The following ATAD5 variants were observed in gnomAD, a reference collection of about 807,000 sequenced individuals.
ATAD5 encodes the protein ATPase family AAA domain-containing protein 5.
In ATAD5, 58 loss-of-function variants were observed where a neutral mutation model predicts 176.9. The ratio of observed to expected loss-of-function variants is 0.33; its 90% CI spans 0.27 to 0.41. The LOEUF is 0.41. Among genes scored for constraint, ATAD5 ranks in the 10% least tolerant of loss-of-function variants. ATAD5 has a pLI of 1.00. For missense variants in ATAD5, 1,789 were observed against 2,094.1 expected (o/e 0.85, Z 2.84); for synonymous variants, 640 against 712.6 (o/e 0.90, Z 1.62).
Position 30,835,334 on chromosome 17 carries a change from G to T in ATAD5, c.1253G>T (p.Gly418Val), listed in dbSNP as rs779103209. Residue 418 changes from glycine (G) to valine (V), a missense_variant, in exon 2 of 23, where the codon GGA becomes GTA. By Grantham distance (109) the Gly-to-Val change is moderately radical. This residue lies in a region of ATAD5 where 696 missense variants were observed against 712.5 expected (regional missense o/e 0.98). Transcript: ENST00000321990. Reference protein sequence around the residue: ...RQPASDALKNGVKKSSDKQKD... With the variant: ...RQPASDALKNVVKKSSDKQKD... ...CCAGCATCAGATGCACTTAAAAATG[G>T]AGTTAAAAAGTCTTCTGATAAGCAG... is the stretch of plus-strand genomic sequence containing the variant. The T allele has an allele frequency of 6.2e-7, 1 of 1,613,704 alleles. No individual in the cohort carries two copies. The highest frequency in any genetic ancestry group is 8.5e-7 in the Non-Finnish European group (1 of 1,179,898).
intron 3 of ATAD5, among the ~76,000 whole-genome samples, chr17:30,839,497 C>G (rs1905956350): frequency 6.6e-6 from 1 of 151,044 alleles, no homozygotes; most frequent in Non-Finnish European, 1.5e-5. Flanking sequence ...GGATGGTCTC[C>G]ATCTCCTGAC....
At chr17:30,879,364 T>A in intron 17 of ATAD5, 59 bp from the exon 18 acceptor site, 2 of 1,563,966 alleles carry the variant, frequency 1.3e-6, no homozygotes, top group Non-Finnish European at 1.7e-6. Context: ...CTTGAAAAAG[T>A]TATTTATTGG....
chr17:30,889,392 T>G (rs979719654), intron 19 of ATAD5, among the ~76,000 whole-genome samples: 14 of 151,336 alleles, frequency 9.3e-5, no homozygotes, highest in Non-Finnish European at 1.3e-4. Context: ...TAAGTACTTA[T>G]AACATAGTAC....
At chr17:30,838,993 C>T (rs549278976) in intron 3 of ATAD5, among the ~76,000 whole-genome samples, 6 of 151,852 alleles carry the variant, frequency 4.0e-5, no homozygotes, top group Non-Finnish European at 7.4e-5. Flanking sequence ...TTTTTCTTTT[C>T]GTTTGTTATT....
chr17:30,845,779 T>A (rs1262366267), intron 6 of ATAD5, among the ~76,000 whole-genome samples: 1 of 152,096 alleles, frequency 6.6e-6, no homozygotes, highest in Non-Finnish European at 1.5e-5. Context: ...CCAGGTATTG[T>A]GAGATGATGG....
At chr17:30,889,406 T>C (rs1289415008) in intron 19 of ATAD5, among the ~76,000 whole-genome samples, 5 of 151,446 alleles carry the variant, frequency 3.3e-5, no homozygotes, top group Non-Finnish European at 5.9e-5. Context: ...ATAGTACTTA[T>C]AAACAAATGA....
At chr17:30,844,958 G>A (rs1449988770) in intron 6 of ATAD5, 42 bp downstream of exon 6, 3 of 1,461,918 alleles carry the variant, frequency 2.1e-6, no homozygotes, top group Non-Finnish European at 2.8e-6. Flanking sequence ...ATATTTTATA[G>A]AATGTATTTG....
rs1232225763 is a variant in ATAD5 at position 30,858,279 on chromosome 17, A to G, written c.2912A>G (p.Gln971Arg). The change falls in exon 9 of 23, where the codon CAA becomes CGA. Residue 971 changes from glutamine to arginine, a missense_variant. Physicochemically the swap from Gln to Arg is conservative, Grantham distance 43. Transcript: ENST00000321990. ...KKYFPLLLKKQIEHQVLSSEC... is the reference protein window; with the variant it reads ...KKYFPLLLKKRIEHQVLSSEC... The stretch of plus-strand genomic sequence containing the variant: ...TATTTTCCCTTACTCCTAAAAAAAC[A>G]AATTGAGCACCAAGTACTTTCTTCC... 1 of 1,585,880 alleles carries G rather than the reference A, an allele frequency of 6.3e-7. No individual in the cohort carries two copies. Among genetic ancestry groups the G allele is most frequent in the African/African-American group, 1.4e-5 (1 of 73,868 alleles).
Position 30,866,185 on chromosome 17 carries a change from ATTTTTTTTTTTTTTTT to A in ATAD5, c.3233+399_3233+414del, listed in dbSNP as rs542432593. ...CCTTTACACTTAGTAGAATTTACAA[ATTTTTTTTTTTTTTTT>A]TTTTTTTTTTTTTCAAGACAGAGTC... On this transcript the variant is annotated intron_variant, in intron 11 of 22. Transcript: ENST00000321990. Among the ~76,000 whole-genome samples, 8 of 79,240 alleles carry A rather than the reference ATTTTTTTTTTTTTTTT, an allele frequency of 1.0e-4. No homozygotes were observed. The Admixed American group carries it at 1.1e-3, about 11-fold the overall frequency. The allele number at this position is 79,240 out of a possible 152,430, so 52.0% of individuals were successfully genotyped here. A position where few individuals can be genotyped will look rare whatever the true frequency, so the allele number is the denominator to read the frequency against.
intron 3 of ATAD5, among the ~76,000 whole-genome samples, chr17:30,838,131 C>T (rs1905867158): frequency 6.6e-6 from 1 of 152,162 alleles, no homozygotes; most frequent in South Asian, 2.1e-4. Flanking sequence ...GCTAAATATC[C>T]CTCGGAGGGG....
intron 3 of ATAD5, 65 bp downstream of exon 3, chr17:30,837,379 C>T: frequency 9.4e-7 from 1 of 1,066,048 alleles, no homozygotes; most frequent in Non-Finnish European, 1.4e-6. Flanking sequence ...AACAAAAAAC[C>T]CCCACATTAC....
At chr17:30,837,377 A>G (rs1820592360) in intron 3 of ATAD5, 63 bp downstream of exon 3, 1 of 1,095,420 alleles carries the variant, frequency 9.1e-7, no homozygotes, top group Non-Finnish European at 1.3e-6. Context: ...CAAACAAAAA[A>G]CCCCCACATT....
At chr17:30,857,980 G>T (rs1322830262) in intron 8 of ATAD5, among the ~76,000 whole-genome samples, 181 bp from the exon 9 acceptor site, 2 of 152,130 alleles carry the variant, frequency 1.3e-5, no homozygotes, top group African/African-American at 4.8e-5. Context: ...AACTTCAGAT[G>T]ATCCACCTGT....
chr17:30,879,421 A>G lies in ATAD5; in HGVS notation c.4013-2A>G. Reference sequence around the variant, plus strand: ...TTTTTTTGTGTGTGTGTGTGTGTGTAGACCCAACATTTAGTTTAATGTTTG... The same window carrying G: ...TTTTTTTGTGTGTGTGTGTGTGTGTGGACCCAACATTTAGTTTAATGTTTG... On this transcript the variant is annotated splice_acceptor_variant, in intron 17 of 22. Transcript: ENST00000321990. LOFTEE classifies it high-confidence loss of function. The G allele has an allele frequency of 6.3e-7, 1 of 1,598,776 alleles. No individual in the cohort carries two copies. Among genetic ancestry groups the G allele is most frequent in the Non-Finnish European group, 8.5e-7 (1 of 1,175,824 alleles).
At chr17:30,849,160 C>T (rs765372929) in intron 6 of ATAD5, among the ~76,000 whole-genome samples, 8 of 152,160 alleles carry the variant, frequency 5.3e-5, no homozygotes, top group Admixed American at 6.6e-5. Flanking sequence ...TGTGAGCCAC[C>T]GTGCCTGGCT....
At chr17:30,879,525 A>G in intron 18 of ATAD5, 38 bp downstream of exon 18, 1 of 1,530,756 alleles carries the variant, frequency 6.5e-7, no homozygotes. Flanking sequence ...ATTACATATC[A>G]CCATCATGTA....
chr17:30,892,914 C>A (rs1232273512), intron 20 of ATAD5, 126 bp downstream of exon 20: 1 of 826,400 alleles, frequency 1.2e-6, no homozygotes, highest in Non-Finnish European at 1.8e-6. Flanking sequence ...AGCCTTAGGT[C>A]TCTGATTTTA....
At position 30,843,931 on chromosome 17, in the gene ATAD5, G is replaced by T. The variant is rs1567680386; in HGVS notation, c.2260G>T (p.Asp754Tyr). Residue 754 changes from aspartate (D) to tyrosine (Y), a missense_variant, in exon 5 of 23, where the codon GAT (aspartate) becomes TAT (tyrosine). Asp to Tyr is a radical substitution (Grantham distance 160, BLOSUM62 -3). Coordinates refer to ENST00000321990, the MANE Select transcript of ATAD5 (RefSeq NM_024857.5). ...SETEDSVIII[D>Y]SSPTALKHPE... ...GTCTTAGGATTCTGTTATAATAATA[G>T]ATTCAAGTCCTACTGCTTTAAAGCA... 4.9e-6 allele frequency: 7 copies of T among 1,421,474 alleles called. No individual in the cohort carries two copies. The highest frequency in any genetic ancestry group is 6.7e-6 in the Non-Finnish European group (7 of 1,047,380). 88.1% of individuals were successfully genotyped at this position (1,421,474 alleles called of 1,614,324 possible).
At chr17:30,839,727 G>T (rs894274770) in intron 3 of ATAD5, among the ~76,000 whole-genome samples, 1 of 150,510 alleles carries the variant, frequency 6.6e-6, no homozygotes, top group Non-Finnish European at 1.5e-5. Context: ...GATTACAGAC[G>T]CCCGCCACCA....
Sources: gnomAD v4.1 joint callset for allele counts (sites outside exome capture counted in the v4.1 genomes callset) on GRCh38, gnomAD v4.1.1 for gene constraint, gnomAD v4.1.1 regional missense constraint, MANE v1.5 for transcripts, NCBI Gene and HGNC (gene_info 2026-07-23, HGNC 2026-07-21) for gene names.